Variants in NAV2 observed in about 807,000 individuals in gnomAD.
NAV2 encodes neuron navigator 2, also known as helicase, APC down-regulated 1.
In NAV2, 54 loss-of-function variants were observed where a neutral mutation model predicts 223.2. That is an observed-to-expected ratio of 0.24 (90% confidence interval 0.19 to 0.30). The LOEUF is 0.30. NAV2 is among the 10% of genes least tolerant of loss of function. The probability of loss-of-function intolerance (pLI) is 1.00; values close to 1 mark genes in which losing one functional copy is unlikely to be tolerated. For synonymous variants in NAV2, 1,279 were observed against 1,239.3 expected, an observed-to-expected ratio of 1.03 and a Z score of -0.67; for missense variants, 2,806 against 3,147.5, an observed-to-expected ratio of 0.89 and a Z score of 2.60.
At chr11:19,948,640 G>C (rs1289264093) in intron 9 of NAV2, 51 bp from the exon 10 acceptor site, 3 of 1,496,446 alleles carry the variant, frequency 2.0e-6, no homozygotes, top group Non-Finnish European at 2.7e-6. Context: ...CATATAAACT[G>C]TGAAGGATAC....
chr11:19,832,555 A>G lies in NAV2; in HGVS notation c.339A>G (p.Gln113=). 6.2e-7 allele frequency: 1 copy of G among 1,614,186 alleles called. No homozygotes were observed. ...AGCGTCTCATCAGGGATCTCCAGCA[A>G]GATGTGACAGATGGCGTCCTCCTGG... is the stretch of plus-strand genomic sequence containing the variant. ...GHKRLIRDLQ[Q]DVTDGVLLAQ... is the part of the protein sequence containing the mutation. Residue 113 remains glutamine, a synonymous_variant, in exon 2 of 38, where the codon CAA becomes CAG. Coordinates refer to ENST00000349880, the MANE Select transcript of NAV2 (RefSeq NM_145117.5).
chr11:19,933,558 G>A lies in NAV2; in HGVS notation c.1314G>A (p.Glu438=). 1 of 1,610,274 alleles carries A rather than the reference G, an allele frequency of 6.2e-7. No homozygotes were observed. The highest frequency in any genetic ancestry group is 8.5e-7 in the Non-Finnish European group (1 of 1,177,766). ...TGGAGACTCTGCCCAGCTTCGAAGA[G>A]AGCGAGGAGCTGGAGGCCGCCAGTC... ...ERLETLPSFE[E]SEELEAASRM... Residue 438 remains glutamate (E), a synonymous_variant, in exon 7 of 38, where the codon GAG becomes GAA. Coordinates refer to ENST00000349880, the MANE Select transcript of NAV2 (RefSeq NM_145117.5). This position sits in a 1 kb window ranked among gnomAD's most constrained non-coding sequence, Gnocchi z 4.3.
intron 1 of NAV2, among the ~76,000 whole-genome samples, chr11:19,577,486 C>T (rs1396278543): frequency 6.6e-6 from 1 of 152,262 alleles, no homozygotes; most frequent in African/African-American, 2.4e-5. Context: ...ACCCCGGCTC[C>T]TCCTGGGCCC....
intron 1 of NAV2, among the ~76,000 whole-genome samples, chr11:19,822,802 A>G (rs1299241894): frequency 1.3e-5 from 2 of 152,228 alleles, no homozygotes; most frequent in Non-Finnish European, 2.9e-5. Flanking sequence ...TGTCAAGAGC[A>G]AAGGCTGGCA....
chr11:19,426,065 C>T (rs1032613340), intron 1 of NAV2, among the ~76,000 whole-genome samples: 2 of 152,102 alleles, frequency 1.3e-5, no homozygotes, highest in Non-Finnish European at 2.9e-5. Flanking sequence ...AGAAATGCAC[C>T]ATTTGGACAA....
intron 1 of NAV2, among the ~76,000 whole-genome samples, chr11:19,453,840 A>G (rs1851870607): frequency 2.6e-5 from 4 of 152,178 alleles, no homozygotes. Flanking sequence ...CTTTAGAAAA[A>G]GGAAAGAGGC....
chr11:19,678,774 T>C (rs570713851), intron 1 of NAV2, among the ~76,000 whole-genome samples: 1 of 152,304 alleles, frequency 6.6e-6, no homozygotes, highest in Admixed American at 6.5e-5. Context: ...AAAATGCTAA[T>C]GCCCGGATTG....
At chr11:19,717,681 C>T (rs1310861701) in intron 1 of NAV2, among the ~76,000 whole-genome samples, 1 of 152,192 alleles carries the variant, frequency 6.6e-6, no homozygotes, top group Non-Finnish European at 1.5e-5. Context: ...CCTGGTGGAT[C>T]ATCATTCTGA....
chr11:19,798,234 C>T (rs900194001), intron 1 of NAV2, among the ~76,000 whole-genome samples: 3 of 152,154 alleles, frequency 2.0e-5, no homozygotes, highest in Non-Finnish European at 4.4e-5. Context: ...TCTCTTCTTT[C>T]CTGTAATAGA....
At chr11:20,106,175 A>ATATATGTGTGTGTGTGTGTGTGTGTG (rs11267537) in intron 35 of NAV2, among the ~76,000 whole-genome samples, 3 of 35,842 alleles carry the variant, frequency 8.4e-5, no homozygotes, top group Non-Finnish European at 1.6e-4. Flanking sequence ...ATATATATAT[A>ATATATGTGTGTGTGTGTGTGTGTGTG]TGTGTGTGTA....
intron 1 of NAV2, among the ~76,000 whole-genome samples, chr11:19,815,956 A>T (rs180828234): frequency 7.2e-4 from 110 of 152,252 alleles, no homozygotes; most frequent in African/African-American, 2.6e-3. Flanking sequence ...TTGGAGAATA[A>T]ATAGTATCTT....
chr11:19,659,644 T>C (rs1177334094), intron 1 of NAV2, among the ~76,000 whole-genome samples: 2 of 152,052 alleles, frequency 1.3e-5, no homozygotes, highest in Non-Finnish European at 2.9e-5. Flanking sequence ...GCTAAGAGAT[T>C]GATATGGGCT....
At chr11:19,789,437 C>G (rs2057370593) in intron 1 of NAV2, among the ~76,000 whole-genome samples, 1 of 152,202 alleles carries the variant, frequency 6.6e-6, no homozygotes, top group Non-Finnish European at 1.5e-5. Flanking sequence ...GTCTAAGAGA[C>G]TGATGCTATT....
In NAV2 at chr11:20,103,407, A is replaced by G. The variant is rs2061778734; in HGVS notation, c.6570A>G (p.Lys2190=). ...GGCTGCTCAACTGCAAGTACCACAA[A>G]TGGTAAAGGCTGGTTCTGGACCTCA... The part of the protein sequence containing the change: ...FNGLLNCKYH[K]CPYIIGTMNQ... The change falls in exon 33 of 38, where the codon AAA becomes AAG. Residue 2190 remains lysine (K), a splice_region_variant and synonymous_variant. Transcript: ENST00000349880. 7 of 1,613,204 alleles carry G rather than the reference A, an allele frequency of 4.3e-6. No homozygotes were observed. The East Asian group carries it at 1.6e-4, about 36-fold the overall frequency.
chr11:19,597,000 CT>C (rs1287995383), intron 1 of NAV2, among the ~76,000 whole-genome samples: 1 of 152,226 alleles, frequency 6.6e-6, no homozygotes, highest in Admixed American at 6.5e-5. Context: ...GCTGGCCCCC[CT>C]GACTCCACCA....
At chr11:20,068,249 T>A in intron 21 of NAV2, 40 bp downstream of exon 21, 4 of 1,611,856 alleles carry the variant, frequency 2.5e-6, no homozygotes, top group Non-Finnish European at 3.4e-6. Context: ...TCTTTAAGTA[T>A]TGTCAATTAT....
intron 11 of NAV2, among the ~76,000 whole-genome samples, chr11:20,031,027 G>A (rs2055672766): frequency 6.6e-6 from 1 of 152,082 alleles, no homozygotes; most frequent in East Asian, 1.9e-4. Context: ...TCTGAAATAA[G>A]GGTAGTCGGT....
intron 37 of NAV2, among the ~76,000 whole-genome samples, chr11:20,117,433 C>T (rs2063207563): frequency 6.6e-6 from 1 of 152,136 alleles, no homozygotes; most frequent in African/African-American, 2.4e-5. Context: ...TGTTGCCATT[C>T]TCCCCATTCC....
chr11:19,462,764 C>A (rs1189806079), intron 1 of NAV2, among the ~76,000 whole-genome samples: 1 of 152,240 alleles, frequency 6.6e-6, no homozygotes, highest in Non-Finnish European at 1.5e-5. Flanking sequence ...CCCAACCTCA[C>A]TCTGTCTACT....
Sources: gnomAD v4.1 joint callset for allele counts (sites outside exome capture counted in the v4.1 genomes callset) on GRCh38, gnomAD v4.1.1 for gene constraint, Gnocchi (gnomAD v3.1) non-coding constraint, MANE v1.5 for transcripts, NCBI Gene and HGNC (gene_info 2026-07-23, HGNC 2026-07-21) for gene names.